TIMP2: variants seen among roughly 807,000 people sequenced by gnomAD.
TIMP2 encodes the protein TIMP metallopeptidase inhibitor 2.
TIMP2 carries 5 observed loss-of-function variants against 24.3 expected under a neutral mutation model. That is an observed-to-expected ratio of 0.21 (90% CI 0.11 to 0.43). The LOEUF is 0.43. Ranked by LOEUF, TIMP2 falls within the 20% of genes least tolerant of loss-of-function variation. TIMP2 has a pLI of 1.00. For synonymous variants in TIMP2, 130 were observed against 123.2 expected, an observed-to-expected ratio of 1.06 and a Z score of -0.37; for missense variants, 221 against 297.5, an observed-to-expected ratio of 0.74 and a Z score of 1.89.
At chr17:78,888,116 G>T (rs898697548) in intron 1 of TIMP2, among the ~76,000 whole-genome samples, 2 of 151,574 alleles carry the variant, frequency 1.3e-5, no homozygotes, top group African/African-American at 4.8e-5. Context: ...GATAGGGAGG[G>T]CTAAACCCCA....
Position 78,892,250 on chromosome 17 carries a change from G to C in TIMP2, c.131-18331C>G, listed in dbSNP as rs1355335491. 11 of 1,550,906 alleles carry C rather than the reference G, an allele frequency of 7.1e-6. 1 individual carries two copies. The South Asian group carries it at 1.3e-4, about 18-fold the overall frequency. On this transcript the variant is annotated intron_variant, in intron 1 of 4. Transcript: ENST00000262768. ...CAGAGCGAGATCGCCTTTGCCCCGG[G>C]CTTGTAGCAATTTGTGCTTTTTCCT...
intron 1 of TIMP2, among the ~76,000 whole-genome samples, chr17:78,894,437 C>G (rs186965635): frequency 1.3e-5 from 2 of 151,996 alleles, no homozygotes; most frequent in East Asian, 3.9e-4. Context: ...TATATTTAGC[C>G]AGATCTGCCA....
chr17:78,882,439 G>A (rs1165095778), intron 1 of TIMP2, among the ~76,000 whole-genome samples: 1 of 152,244 alleles, frequency 6.6e-6, no homozygotes, highest in Non-Finnish European at 1.5e-5. Flanking sequence ...ACACAGCTGT[G>A]GCCCTGCCCT....
chr17:78,868,294 A>C (rs1487081351), intron 3 of TIMP2, among the ~76,000 whole-genome samples: 1 of 151,940 alleles, frequency 6.6e-6, no homozygotes, highest in East Asian at 1.9e-4. Context: ...TCAGTCACCC[A>C]GGCTGGAGTA....
At chr17:78,910,923 A>G (rs937708573) in intron 1 of TIMP2, among the ~76,000 whole-genome samples, 27 of 152,208 alleles carry the variant, frequency 1.8e-4, no homozygotes, top group Non-Finnish European at 3.2e-4. Flanking sequence ...TGCCAGGACC[A>G]TGGGGGTGCA....
At chr17:78,880,625 G>A (rs149430237) in intron 1 of TIMP2, among the ~76,000 whole-genome samples, 79 of 152,286 alleles carry the variant, frequency 5.2e-4, no homozygotes, top group African/African-American at 1.8e-3. Flanking sequence ...GTATGAACTA[G>A]ATGTTCAAGG....
intron 1 of TIMP2, among the ~76,000 whole-genome samples, chr17:78,916,936 T>A (rs541393528): frequency 6.6e-6 from 1 of 152,174 alleles, no homozygotes; most frequent in South Asian, 2.1e-4. Context: ...GCCCACAATC[T>A]CAACAGTGTC....
At chr17:78,865,951 G>A (rs781212974) in intron 3 of TIMP2, among the ~76,000 whole-genome samples, 5 of 152,182 alleles carry the variant, frequency 3.3e-5, no homozygotes, top group African/African-American at 7.2e-5. Context: ...GCAGTGTGAC[G>A]AAACTGAGCT....
intron 1 of TIMP2, among the ~76,000 whole-genome samples, chr17:78,888,183 G>A (rs1445362930): frequency 1.4e-5 from 2 of 146,624 alleles, no homozygotes; most frequent in Non-Finnish European, 3.0e-5. Flanking sequence ...TTTTTGAGAT[G>A]GAGTCTCGCT....
Position 78,891,315 on chromosome 17 carries a change from C to T in TIMP2, c.131-17396G>A. 1 of 1,550,428 alleles carries T rather than the reference C, an allele frequency of 6.4e-7. No homozygotes were observed. The highest frequency in any genetic ancestry group is 8.7e-7 in the Non-Finnish European group (1 of 1,146,952). The stretch of plus-strand genomic sequence containing the variant: ...TCCCCGGCAGGCAGCATCTCTGGGT[C>T]TGCCATTTTCTTCCCTCTTGGGGTC... On this transcript the variant is annotated intron_variant, in intron 1 of 4. Transcript: ENST00000262768. The surrounding 1 kb of genome is among the most constrained non-coding windows in gnomAD (Gnocchi z 4.5).
At chr17:78,862,335 C>T (rs1379514948) in intron 3 of TIMP2, among the ~76,000 whole-genome samples, 2 of 152,224 alleles carry the variant, frequency 1.3e-5, no homozygotes, top group Non-Finnish European at 2.9e-5. Context: ...GATCTAGGTT[C>T]CTGCCTCGGG....
At chr17:78,874,608 C>T (rs553011760) in intron 1 of TIMP2, among the ~76,000 whole-genome samples, 16 of 152,278 alleles carry the variant, frequency 1.1e-4, no homozygotes, top group African/African-American at 3.1e-4. Context: ...GATGGAGTCT[C>T]GCGCTGTTGC....
intron 1 of TIMP2, among the ~76,000 whole-genome samples, chr17:78,882,354 G>A (rs1246465991): frequency 6.6e-6 from 1 of 152,242 alleles, no homozygotes; most frequent in Non-Finnish European, 1.5e-5. Context: ...CAAGATCAGA[G>A]TCTGAAAAGG....
chr17:78,892,838 A>C (rs1289310043), intron 1 of TIMP2, among the ~76,000 whole-genome samples: 1 of 152,204 alleles, frequency 6.6e-6, no homozygotes, highest in Non-Finnish European at 1.5e-5. Context: ...GACAGTGAAT[A>C]ACCTGGCCAG....
At chr17:78,864,578 C>T (rs2069593657) in intron 3 of TIMP2, among the ~76,000 whole-genome samples, 1 of 152,098 alleles carries the variant, frequency 6.6e-6, no homozygotes, top group Non-Finnish European at 1.5e-5. Context: ...AAACTGTTTG[C>T]ACTTGGCACC....
At chr17:78,877,942 G>A (rs527394658) in intron 1 of TIMP2, among the ~76,000 whole-genome samples, 34 of 152,154 alleles carry the variant, frequency 2.2e-4, no homozygotes, top group Admixed American at 7.2e-4. Flanking sequence ...TCCTGACCTC[G>A]TGATCCGCCT....
At chr17:78,886,728 C>G (rs1005450297) in intron 1 of TIMP2, among the ~76,000 whole-genome samples, 9 of 152,084 alleles carry the variant, frequency 5.9e-5, no homozygotes, top group African/African-American at 2.2e-4. Flanking sequence ...AAATTTTCTT[C>G]TTCTTTTTTT....
At chr17:78,894,826 A>T (rs2069973398) in intron 1 of TIMP2, among the ~76,000 whole-genome samples, 1 of 152,232 alleles carries the variant, frequency 6.6e-6, no homozygotes, top group Non-Finnish European at 1.5e-5. Context: ...AAAGAAAAAA[A>T]AAACCTTTGT....
rs2070338015 is a variant in TIMP2 at position 78,924,930 on chromosome 17, G to C, written c.130+29C>G. 4.1e-6 allele frequency: 5 copies of C among 1,213,690 alleles called. No individual in the cohort carries two copies. The highest frequency in any genetic ancestry group is 5.2e-6 in the Non-Finnish European group (5 of 968,102). The allele number at this position is 1,213,690 out of a possible 1,614,324, so 75.2% of individuals were successfully genotyped here. A position where few individuals can be genotyped will look rare whatever the true frequency, so the allele number is the denominator to read the frequency against. On this transcript the variant is annotated intron_variant, in intron 1 of 4. Coordinates refer to ENST00000262768, the MANE Select transcript of TIMP2 (RefSeq NM_003255.5). This position sits in a 1 kb window ranked among gnomAD's most constrained non-coding sequence, Gnocchi z 5.3. Reference sequence around the variant, plus strand: ...GGGGTCGCGGGGGAGGTGGGGCCCCGCGCGGGGGCTGGGGTCGCCGCTCCT... The same window carrying C: ...GGGGTCGCGGGGGAGGTGGGGCCCCCCGCGGGGGCTGGGGTCGCCGCTCCT...
Sources: allele counts gnomAD v4.1 joint callset (sites outside exome capture counted in the v4.1 genomes callset), GRCh38; gene constraint gnomAD v4.1.1; non-coding constraint Gnocchi (gnomAD v3.1); transcripts MANE v1.5; gene names NCBI Gene and HGNC (gene_info 2026-07-23, HGNC 2026-07-21).